Variants in TNRC6A observed in about 807,000 individuals in gnomAD.
The protein encoded by TNRC6A is trinucleotide repeat containing adaptor 6A.
TNRC6A carries 44 observed loss-of-function variants against 221.2 expected under a neutral mutation model. That is an observed-to-expected ratio of 0.20 (90% CI 0.16 to 0.26). TNRC6A has a LOEUF of 0.26. Ranked by LOEUF, TNRC6A falls within the 10% of genes least tolerant of loss-of-function variation. The pLI, the probability that TNRC6A is intolerant of heterozygous loss-of-function variation, is 1.00. For missense variants in TNRC6A, 2,199 were observed against 2,404.4 expected (o/e 0.91, Z 1.79); for synonymous variants, 847 against 838.5 (o/e 1.01, Z -0.18).
intron 5 of TNRC6A, among the ~76,000 whole-genome samples, chr16:24,780,226 G>A (rs2151759286): frequency 6.6e-6 from 1 of 152,272 alleles, no homozygotes; most frequent in East Asian, 1.9e-4. Flanking sequence ...AAAACTGGTG[G>A]TGGTTAACAT....
chr16:24,723,203 C>T (rs1394978379), intron 2 of TNRC6A, among the ~76,000 whole-genome samples: 1 of 152,176 alleles, frequency 6.6e-6, no homozygotes, highest in Non-Finnish European at 1.5e-5. Context: ...TCCTCCACAG[C>T]AATGGTTCTC....
At chr16:24,730,859 T>G (rs2056622131) in intron 2 of TNRC6A, among the ~76,000 whole-genome samples, 1 of 150,982 alleles carries the variant, frequency 6.6e-6, no homozygotes, top group African/African-American at 2.4e-5. Flanking sequence ...ACTCCATTTC[T>G]GTCCATGTTC....
upstream of TNRC6A, among the ~76,000 whole-genome samples, chr16:24,727,281 G>A (rs2056508493): frequency 6.6e-6 from 1 of 152,076 alleles, no homozygotes; most frequent in African/African-American, 2.4e-5. Context: ...TGCCCACTTC[G>A]GCCTCCCAAA....
At chr16:24,807,023 T>TA (rs2058447332) in intron 17 of TNRC6A, among the ~76,000 whole-genome samples, 1 of 151,450 alleles carries the variant, frequency 6.6e-6, no homozygotes, top group South Asian at 2.1e-4. Context: ...TTTTTTTTTT[T>TA]AGGACAGAGT....
At position 24,673,427 on chromosome 16, in the gene TNRC6A, G is replaced by A. The variant is rs74707676; in HGVS notation, n.402+32418G>A. Among the ~76,000 whole-genome samples the A allele has an allele frequency of 3.6e-3, 550 of 152,262 alleles. 14 individuals carry two copies. Among genetic ancestry groups the A allele is most frequent in the Admixed American group, 0.026 (398 of 15,282 alleles). ...CAGAGACAGGGCTTCGCTCACCGAG[G>A]GATGCCTGTAGGTCCACTTTGCAAG... On this transcript the variant is annotated intron_variant and non_coding_transcript_variant, in intron 2 of 2. Transcript: ENST00000566108.
At chr16:24,815,415 G>C in intron 19 of TNRC6A, 110 bp downstream of exon 19, 1 of 1,260,336 alleles carries the variant, frequency 7.9e-7, no homozygotes, top group Non-Finnish European at 1.1e-6. Flanking sequence ...AGACTGACGT[G>C]TGCGGATGAG....
intron 14 of TNRC6A, 183 bp downstream of exon 14, chr16:24,805,334 A>G: frequency 9.6e-7 from 1 of 1,038,986 alleles, no homozygotes; most frequent in Non-Finnish European, 1.4e-6. Context: ...ATTTAAATCC[A>G]AAATTTACCA....
At chr16:24,710,481 G>A (rs1026244145) in intron 2 of TNRC6A, among the ~76,000 whole-genome samples, 6 of 151,986 alleles carry the variant, frequency 3.9e-5, no homozygotes, top group Non-Finnish European at 5.9e-5. Context: ...GGTGGTGCAC[G>A]CCTGTAGTCC....
In TNRC6A at chr16:24,806,666, G is replaced by C. The variant is rs373013679; in HGVS notation, c.4422G>C (p.Gln1474His). 6.2e-7 allele frequency: 1 copy of C among 1,614,152 alleles called. No individual in the cohort carries two copies. Among genetic ancestry groups the C allele is most frequent in the East Asian group, 2.2e-5 (1 of 44,882 alleles). ...TGAAGCAGCAGACTCCACCATCTCA[G>C]CAGCAGCCACTCCATCAGCCAGCCA... ...LLVKQQTPPS[Q>H]QQPLHQPAMK... Residue 1474 changes from glutamine to histidine, a missense_variant, in exon 17 of 25, where the codon CAG (glutamine) becomes CAC (histidine). By Grantham distance (24) the Gln-to-His change is conservative. Transcript: ENST00000395799.
chr16:24,786,445 C>T (rs959653903), intron 5 of TNRC6A, among the ~76,000 whole-genome samples: 1 of 151,946 alleles, frequency 6.6e-6, no homozygotes, highest in Non-Finnish European at 1.5e-5. Context: ...GCCTCAGCCT[C>T]CCGAGTAGCT....
intron 22 of TNRC6A, 96 bp from the exon 23 acceptor site, chr16:24,821,980 AG>A (rs1175295196): frequency 1.1e-5 from 13 of 1,138,892 alleles, no homozygotes; most frequent in Middle Eastern, 2.0e-4. Flanking sequence ...AGTGCAAGGA[AG>A]TGAAGGAAGT....
chr16:24,675,694 C>CAA (rs2055400860), intron 2 of TNRC6A, among the ~76,000 whole-genome samples: 1 of 81,132 alleles, frequency 1.2e-5, no homozygotes, highest in Non-Finnish European at 2.4e-5. Context: ...CTCTCTCTCT[C>CAA]TCTCTCTCTA....
chr16:24,719,389 G>T (rs1354081692), intron 2 of TNRC6A, among the ~76,000 whole-genome samples: 1 of 152,134 alleles, frequency 6.6e-6, no homozygotes, highest in Non-Finnish European at 1.5e-5. Flanking sequence ...GTTGGTGCTG[G>T]GCTTGCTGGC....
intron 2 of TNRC6A, among the ~76,000 whole-genome samples, chr16:24,742,487 C>T (rs2056912942): frequency 6.6e-6 from 1 of 152,056 alleles, no homozygotes; most frequent in Admixed American, 6.5e-5. Flanking sequence ...GTTGGTGTTA[C>T]AGTGTTAGTA....
intron 2 of TNRC6A, among the ~76,000 whole-genome samples, chr16:24,641,507 A>G (rs997866098): frequency 3.9e-5 from 6 of 152,136 alleles, no homozygotes; most frequent in African/African-American, 1.4e-4. Flanking sequence ...AGTGGTTGGT[A>G]AAGTTGGTCA....
At position 24,755,877 on chromosome 16, in the gene TNRC6A, A is replaced by G. The variant is rs531692852; in HGVS notation, c.142-2462A>G. ...TGGCCAGAATCTTTTAATTATCTGT[A>G]TGAGAGGATTTACAGTGATACTTCA... On this transcript the variant is annotated intron_variant, in intron 3 of 24. Coordinates refer to ENST00000395799, the MANE Select transcript of TNRC6A (RefSeq NM_014494.4). 7.2e-5 allele frequency among the ~76,000 whole-genome samples: 11 copies of G among 152,280 alleles called. No individual in the cohort carries two copies. The South Asian group carries it at 2.3e-3, about 32-fold the overall frequency.
At chr16:24,700,417 G>A (rs1312612525) in intron 2 of TNRC6A, among the ~76,000 whole-genome samples, 1 of 151,932 alleles carries the variant, frequency 6.6e-6, no homozygotes, top group East Asian at 1.9e-4. Context: ...TGTATTTTTA[G>A]TAGAGACAGG....
At chr16:24,745,741 A>G (rs953455803) in intron 2 of TNRC6A, among the ~76,000 whole-genome samples, 5 of 150,676 alleles carry the variant, frequency 3.3e-5, no homozygotes, top group African/African-American at 1.2e-4. Flanking sequence ...TCCTAGGCTC[A>G]GTTGATTCTT....
intron 2 of TNRC6A, among the ~76,000 whole-genome samples, chr16:24,745,261 G>A (rs1171819719): frequency 6.6e-6 from 1 of 152,150 alleles, no homozygotes; most frequent in African/African-American, 2.4e-5. Context: ...CTCCAGTTCA[G>A]TTTTCATCTC....
Sources: gnomAD v4.1 joint callset for allele counts (sites outside exome capture counted in the v4.1 genomes callset) on GRCh38, gnomAD v4.1.1 for gene constraint, MANE v1.5 for transcripts, NCBI Gene and HGNC (gene_info 2026-07-23, HGNC 2026-07-21) for gene names.